The following ZNF275 variants were observed in gnomAD, a reference collection of about 807,000 sequenced individuals.
The protein encoded by ZNF275 is zinc finger protein 275.
ZNF275 carries 4 observed loss-of-function variants against 4.3 expected under a neutral mutation model. The observed-to-expected ratio is 0.93, with a 90% CI of 0.46 to 2.13. The LOEUF is 2.13. ZNF275 is among the 30% of genes most tolerant of loss of function. ZNF275 has a pLI of 0.02. For missense variants in ZNF275, 352 were observed against 397.1 expected, an observed-to-expected ratio of 0.89 and a Z score of 0.97; for synonymous variants, 173 against 166.9, an observed-to-expected ratio of 1.04 and a Z score of -0.28.
chrX:153,352,075 T>G lies in ZNF275; in HGVS notation c.*4100T>G, dbSNP rs1186621088. On this transcript the variant is annotated 3_prime_UTR_variant, in exon 4 of 4. Transcript: ENST00000650114. ...AGAAGCTTCTAGGCATCAGAAGGTG[T>G]GGGGAGCAGCACAGTACTCAGAGGA... is the stretch of plus-strand genomic sequence containing the variant. 2.7e-5 allele frequency: 3 copies of G among 111,630 alleles called. No homozygotes were observed. Among genetic ancestry groups the G allele is most frequent in the Non-Finnish European group, 5.6e-5 (3 of 53,105 alleles). The allele number at this position is 111,630 out of a possible 1,213,427, so 9.2% of individuals were successfully genotyped here. A position where few individuals can be genotyped will look rare whatever the true frequency, so the allele number is the denominator to read the frequency against.
In ZNF275 at chrX:153,346,884, A is replaced by T; in HGVS notation, c.199A>T (p.Thr67Ser). ...TGCCCAGCCACAGGAGATGGCGTCC[A>T]CAAGCTTCCCAAGGGCCAGTGGTCC... ...EDAQPQEMAS[T>S]SFPRASGPSP... Residue 67 changes from threonine (T) to serine (S), a missense_variant, in exon 4 of 4, where the codon ACA becomes TCA. By Grantham distance (58) the Thr-to-Ser change is moderately conservative (BLOSUM62 1). Transcript: ENST00000650114. 1 of 1,210,012 alleles carries T rather than the reference A, an allele frequency of 8.3e-7. No homozygotes were observed. Among genetic ancestry groups the T allele is most frequent in the Non-Finnish European group, 1.1e-6 (1 of 894,051 alleles).
intron 2 of ZNF275, chrX:153,344,084 G>A (rs1338840701): frequency 1.2e-5 from 4 of 327,287 alleles, no homozygotes; most frequent in African/African-American, 5.3e-5. Flanking sequence ...TCCAGGGACA[G>A]GGCTGTCGTC....
At chrX:153,339,256 C>T (rs1465356008) in intron 2 of ZNF275, among the ~76,000 whole-genome samples, 2 of 111,744 alleles carry the variant, frequency 1.8e-5, no homozygotes, top group African/African-American at 6.5e-5. Flanking sequence ...TCCATATCTC[C>T]TGGGCACTGT....
intron 3 of ZNF275, 99 bp from the exon 4 acceptor site, chrX:153,346,720 T>C: frequency 1.1e-6 from 1 of 943,799 alleles, no homozygotes; most frequent in Non-Finnish European, 1.4e-6. Flanking sequence ...GGCCCCGTGC[T>C]CAGTGGCTGT....
In ZNF275 at chrX:153,347,360, C is replaced by G; in HGVS notation, c.675C>G (p.Phe225Leu). Residue 225 changes from phenylalanine (F) to leucine (L), a missense_variant, in exon 4 of 4, where the codon TTC (phenylalanine) becomes TTG (leucine). Phe to Leu is a conservative substitution (Grantham distance 22). Coordinates refer to ENST00000650114, the MANE Select transcript of ZNF275 (RefSeq NM_001367757.1). ...GRSFKVNTHL[F>L]RHQKLHTSEK... ...CGTTCAAAGTCAACACCCACCTCTT[C>G]CGACATCAGAAACTTCACACTTCGG... The G allele has an allele frequency of 8.2e-7, 1 of 1,212,299 alleles. No homozygotes were observed. The highest frequency in any genetic ancestry group is 1.1e-6 in the Non-Finnish European group (1 of 895,546).
At chrX:153,338,038 G>C (rs895160567) in intron 2 of ZNF275, among the ~76,000 whole-genome samples, 1 of 110,977 alleles carries the variant, frequency 9.0e-6, no homozygotes, top group South Asian at 3.9e-4. Context: ...GAATTCCTTC[G>C]ACCTTGATTC....
intron 1 of ZNF275, among the ~76,000 whole-genome samples, chrX:153,334,993 G>A (rs1293421044): frequency 9.0e-6 from 1 of 111,185 alleles, no homozygotes; most frequent in Non-Finnish European, 1.9e-5. Flanking sequence ...CCCTCTGTCT[G>A]AACCAGTCTT....
intron 1 of ZNF275, among the ~76,000 whole-genome samples, chrX:153,334,854 T>C (rs1394734851): frequency 1.3e-5 from 1 of 79,040 alleles, no homozygotes; most frequent in African/African-American, 5.2e-5. Context: ...CCTCCTTTCC[T>C]TTTGAGTGGG....
Position 153,347,993 on chromosome X carries a change from G to T in ZNF275, c.*18G>T, listed in dbSNP as rs782332156. On this transcript the variant is annotated 3_prime_UTR_variant, in exon 4 of 4. Transcript: ENST00000650114. ...ACGAGTAGAAACGCCCTGTGGTCCC[G>T]CGGGACAGGGACGGAGTCCCCAGAG... 5.2e-4 allele frequency: 566 copies of T among 1,097,886 alleles called. No individual in the cohort carries two copies. Among genetic ancestry groups the T allele is most frequent in the Non-Finnish European group, 6.5e-4 (545 of 838,232 alleles). The allele number at this position is 1,097,886 out of a possible 1,213,427, so 90.5% of individuals were successfully genotyped here.
chrX:153,339,413 C>T (rs782735989), intron 2 of ZNF275, among the ~76,000 whole-genome samples: 23 of 111,728 alleles, frequency 2.1e-4, no homozygotes, highest in Middle Eastern at 4.2e-3. Context: ...GTGGCTCACA[C>T]CTGTAGTCTC....
intron 1 of ZNF275, among the ~76,000 whole-genome samples, chrX:153,335,195 T>C (rs1411390332): frequency 9.1e-6 from 1 of 109,592 alleles, no homozygotes; most frequent in Non-Finnish European, 1.9e-5. Context: ...CCTGGCCCAC[T>C]TCCCAGAGGT....
At chrX:153,339,735 C>T (rs1489450763) in intron 2 of ZNF275, among the ~76,000 whole-genome samples, 1 of 111,208 alleles carries the variant, frequency 9.0e-6, no homozygotes, top group Non-Finnish European at 1.9e-5. Flanking sequence ...CCATGAGAAG[C>T]CCATGGTATT....
chrX:153,334,388 G>C (rs2088429973), intron 1 of ZNF275, 103 bp downstream of exon 1: 3 of 111,229 alleles, frequency 2.7e-5, no homozygotes, highest in Middle Eastern at 4.7e-3. Flanking sequence ...CTGAGTGAGC[G>C]TGCAGGGCCG....
chrX:153,346,010 G>A (rs1415755639), intron 3 of ZNF275, among the ~76,000 whole-genome samples: 1 of 107,278 alleles, frequency 9.3e-6, no homozygotes, highest in Non-Finnish European at 1.9e-5. Flanking sequence ...TAGGGTTAGG[G>A]GGTCCAGCTG....
intron 2 of ZNF275, among the ~76,000 whole-genome samples, chrX:153,336,922 C>T (rs1347640421): frequency 9.0e-6 from 1 of 111,616 alleles, no homozygotes; most frequent in African/African-American, 3.3e-5. Flanking sequence ...AAAAGATATT[C>T]AGGAAAGAGA....
At chrX:153,336,611 C>T in intron 1 of ZNF275, 23 bp from the exon 2 acceptor site, 1 of 1,096,906 alleles carries the variant, frequency 9.1e-7, no homozygotes, top group Non-Finnish European at 1.2e-6. Flanking sequence ...CTTCTGTTCA[C>T]CTGAATTATT....
chrX:153,334,236 C>T lies in ZNF275; in HGVS notation c.-96C>T, dbSNP rs2088428425. 1.8e-5 allele frequency: 2 copies of T among 112,088 alleles called. No individual in the cohort carries two copies. The highest frequency in any genetic ancestry group is 7.2e-4 in the South Asian group (2 of 2,768). The allele number at this position is 112,088 out of a possible 1,213,427, so 9.2% of individuals were successfully genotyped here. ...TGCCACGCCAGGCCTGCCTGGGCCG[C>T]GCCAGCGCCGCTCCACCGAGGGCCG... On this transcript the variant is annotated 5_prime_UTR_variant, in exon 1 of 4. Coordinates refer to ENST00000650114, the MANE Select transcript of ZNF275 (RefSeq NM_001367757.1).
rs1303696819 is a variant in ZNF275, at chrX:153,350,802, C to G, written c.*2827C>G. 1 of 124,031 alleles carries G rather than the reference C, an allele frequency of 8.1e-6. No homozygotes were observed. Among genetic ancestry groups the G allele is most frequent in the Non-Finnish European group, 1.9e-5 (1 of 53,362 alleles). 10.2% of individuals were successfully genotyped at this position (124,031 alleles called of 1,213,427 possible). ...TGTGAATCTGTGTCTGAAATCACTACTTTCTTCTCGGATCCTTTTTCTCTT... is the reference window on the plus strand; with the variant it reads ...TGTGAATCTGTGTCTGAAATCACTAGTTTCTTCTCGGATCCTTTTTCTCTT... On this transcript the variant is annotated 3_prime_UTR_variant, in exon 4 of 4. Coordinates refer to ENST00000650114, the MANE Select transcript of ZNF275 (RefSeq NM_001367757.1).
At position 153,351,238 on chromosome X, in the gene ZNF275, C is replaced by G. The variant is rs1044222778; in HGVS notation, c.*3263C>G. 12 of 123,880 alleles carry G rather than the reference C, an allele frequency of 9.7e-5. No individual in the cohort carries two copies. The highest frequency in any genetic ancestry group is 3.9e-4 in the African/African-American group (12 of 30,934). The allele number at this position is 123,880 out of a possible 1,213,427, so 10.2% of individuals were successfully genotyped here. A position where few individuals can be genotyped will look rare whatever the true frequency, so the allele number is the denominator to read the frequency against. ...TTGCGGTGAAACCCGTGTTCTCTTTCAATGCAGTCTGTGGCTTTAACGTGT... is the reference window on the plus strand; with the variant it reads ...TTGCGGTGAAACCCGTGTTCTCTTTGAATGCAGTCTGTGGCTTTAACGTGT... On this transcript the variant is annotated 3_prime_UTR_variant, in exon 4 of 4. Coordinates refer to ENST00000650114, the MANE Select transcript of ZNF275 (RefSeq NM_001367757.1).
Sources: allele counts gnomAD v4.1 joint callset (sites outside exome capture counted in the v4.1 genomes callset), GRCh38; gene constraint gnomAD v4.1.1; transcripts MANE v1.5; gene names NCBI Gene and HGNC (gene_info 2026-07-23, HGNC 2026-07-21).